The following PARN variants were observed in gnomAD, a reference collection of about 807,000 sequenced individuals.
PARN encodes the protein poly(A)-specific ribonuclease, also known as poly(A)-specific ribonuclease PARN.
In PARN, 71 loss-of-function variants were observed where a neutral mutation model predicts 102.8. That is an observed-to-expected ratio of 0.69 (90% CI 0.57 to 0.84). The LOEUF (loss-of-function observed/expected upper bound fraction) is 0.84. Among genes scored for constraint, PARN ranks in the 40% least tolerant of loss-of-function variants. The pLI, the probability that PARN is intolerant of heterozygous loss-of-function variation, is 0.00. For synonymous variants in PARN, 261 were observed against 252.9 expected (o/e 1.03, Z -0.30); for missense variants, 782 against 760.9 (o/e 1.03, Z -0.33).
At chr16:14,587,683 T>C (rs770662460) in intron 13 of PARN, among the ~76,000 whole-genome samples, 3 of 152,168 alleles carry the variant, frequency 2.0e-5, no homozygotes, top group Non-Finnish European at 4.4e-5. Flanking sequence ...CTTCTAAAGG[T>C]AGATGGAAAA....
In PARN at chr16:14,447,132, G is replaced by A. The variant is rs913661695; in HGVS notation, c.1671-51C>T. 34 of 1,262,400 alleles carry A rather than the reference G, an allele frequency of 2.7e-5. No individual in the cohort carries two copies. In the Admixed American group the frequency reaches 7.8e-4, roughly 29 times the overall value. The allele number at this position is 1,262,400 out of a possible 1,614,324, so 78.2% of individuals were successfully genotyped here. ...TAAAAGGTGCTGAGAGTTACAGGAA[G>A]ACTAGTCTATAAAAATATTTTAATA... On this transcript the variant is annotated intron_variant, in intron 22 of 23. Coordinates refer to ENST00000437198, the MANE Select transcript of PARN (RefSeq NM_002582.4).
At chr16:14,585,015 C>T (rs1969756300) in intron 14 of PARN, among the ~76,000 whole-genome samples, 1 of 152,168 alleles carries the variant, frequency 6.6e-6, no homozygotes, top group Non-Finnish European at 1.5e-5. Context: ...GTACTCAGTC[C>T]CATCATCAGC....
chr16:14,600,032 C>CA (rs898608213), intron 11 of PARN, 72 bp from the exon 12 acceptor site: 141 of 831,356 alleles, frequency 1.7e-4, no homozygotes, highest in South Asian at 4.7e-4. Context: ...AAAACTACCC[C>CA]AAAAAAAAGA....
At chr16:14,503,207 G>C (rs1316976015) in intron 21 of PARN, among the ~76,000 whole-genome samples, 1 of 152,080 alleles carries the variant, frequency 6.6e-6, no homozygotes, top group Admixed American at 6.6e-5. Context: ...AAGGAAAAGA[G>C]ACTTCCACCT....
intron 21 of PARN, among the ~76,000 whole-genome samples, chr16:14,505,840 A>G (rs945170425): frequency 3.9e-5 from 6 of 152,362 alleles, no homozygotes; most frequent in African/African-American, 1.4e-4. Context: ...TTGCACAAAG[A>G]GGTCACAAAA....
intron 15 of PARN, 61 bp downstream of exon 15, chr16:14,584,688 T>C: frequency 1.7e-6 from 2 of 1,169,710 alleles, no homozygotes; most frequent in South Asian, 2.7e-5. Context: ...GCTATATTGT[T>C]CTGGCATTCA....
chr16:14,583,505 C>T (rs532070910), intron 16 of PARN, among the ~76,000 whole-genome samples: 1 of 152,274 alleles, frequency 6.6e-6, no homozygotes, highest in East Asian at 1.9e-4. Context: ...AACTGAGACA[C>T]ATTCTTTCCA....
At chr16:14,508,780 C>T (rs573406301) in intron 21 of PARN, among the ~76,000 whole-genome samples, 2 of 150,478 alleles carry the variant, frequency 1.3e-5, no homozygotes, top group African/African-American at 2.4e-5. Context: ...TCTCAGGGGG[C>T]GGGGCATGGT....
chr16:14,458,549 C>T (rs1005693199), intron 22 of PARN, among the ~76,000 whole-genome samples: 1 of 152,178 alleles, frequency 6.6e-6, no homozygotes, highest in African/African-American at 2.4e-5. Flanking sequence ...GCTCACCTTG[C>T]AGGCACTCTC....
At chr16:14,451,843 T>TAAAAAAAAAAAAAAAAAAAAAAAAAA (rs1184998225) in intron 22 of PARN, among the ~76,000 whole-genome samples, 3 of 54,620 alleles carry the variant, frequency 5.5e-5, no homozygotes, top group Non-Finnish European at 7.3e-5. Flanking sequence ...ACCCCGTCTC[T>TAAAAAAAAAAAAAAAAAAAAAAAAAA]AAAAAAAAAA....
chr16:14,580,463 T>A (rs1386499402), intron 18 of PARN, among the ~76,000 whole-genome samples: 1 of 151,956 alleles, frequency 6.6e-6, no homozygotes, highest in Non-Finnish European at 1.5e-5. Context: ...AATTTTTGTA[T>A]TTTTAATAGA....
At chr16:14,481,787 T>A (rs553203360) in intron 22 of PARN, among the ~76,000 whole-genome samples, 2 of 152,350 alleles carry the variant, frequency 1.3e-5, no homozygotes, top group Non-Finnish European at 2.9e-5. Context: ...ATAATGAACA[T>A]ATGTATGTAC....
At chr16:14,617,300 T>C (rs1451158463) in intron 6 of PARN, among the ~76,000 whole-genome samples, 2 of 145,902 alleles carry the variant, frequency 1.4e-5, no homozygotes, top group South Asian at 2.1e-4. Flanking sequence ...AGGAGAATGG[T>C]GTGAAACTGG....
intron 22 of PARN, among the ~76,000 whole-genome samples, chr16:14,448,361 C>T (rs892105827): frequency 1.3e-5 from 2 of 152,216 alleles, no homozygotes; most frequent in Non-Finnish European, 2.9e-5. Flanking sequence ...GTTGGCCAGG[C>T]TGGTCTCGAA....
chr16:14,586,522 AC>A (rs1969867442), intron 13 of PARN, among the ~76,000 whole-genome samples, 161 bp from the exon 14 acceptor site: 3 of 152,242 alleles, frequency 2.0e-5, no homozygotes, highest in Admixed American at 2.0e-4. Context: ...TACAAAAAAA[AC>A]ACAAAACCTT....
chr16:14,532,667 C>G (rs1424176834), intron 21 of PARN, among the ~76,000 whole-genome samples: 1 of 152,068 alleles, frequency 6.6e-6, no homozygotes, highest in Non-Finnish European at 1.5e-5. Context: ...GGCCCGTTCT[C>G]AATGAGCTGC....
At chr16:14,580,475 A>AATTTTTAAT (rs1969461312) in intron 18 of PARN, among the ~76,000 whole-genome samples, 1 of 151,618 alleles carries the variant, frequency 6.6e-6, no homozygotes, top group Admixed American at 6.6e-5. Context: ...TTTAATAGAG[A>AATTTTTAAT]CGAGTTTCAT....
At chr16:14,511,561 C>T (rs887761138) in intron 21 of PARN, among the ~76,000 whole-genome samples, 1 of 152,072 alleles carries the variant, frequency 6.6e-6, no homozygotes, top group Non-Finnish European at 1.5e-5. Context: ...ACTCAATGAG[C>T]TCAAATCATG....
chr16:14,582,042 C>A, intron 17 of PARN, 139 bp downstream of exon 17: 1 of 672,522 alleles, frequency 1.5e-6, no homozygotes, highest in Non-Finnish European at 2.7e-6. Flanking sequence ...GACTTTCCAG[C>A]CTCCTGAACA....
Sources: allele counts gnomAD v4.1 joint callset (sites outside exome capture counted in the v4.1 genomes callset), GRCh38; gene constraint gnomAD v4.1.1; transcripts MANE v1.5; gene names NCBI Gene and HGNC (gene_info 2026-07-23, HGNC 2026-07-21).